PDE11A: variants seen among roughly 807,000 people sequenced by gnomAD.
The protein encoded by PDE11A is phosphodiesterase 11A.
Under a neutral mutation model 100.5 loss-of-function variants are expected in PDE11A, and 100 were observed. That is an observed-to-expected ratio of 1.00 (90% CI 0.85 to 1.18). The LOEUF is 1.18. Among genes scored for constraint, PDE11A ranks in the 50% most tolerant of loss-of-function variants. PDE11A has a pLI of 0.00. For missense variants in PDE11A, 1,141 were observed against 1,152.6 expected (o/e 0.99, Z 0.15); for synonymous variants, 381 against 420.8 (o/e 0.91, Z 1.16).
chr2:177,701,207 C>T lies in PDE11A; in HGVS notation c.2158G>A (p.Gly720Ser). Residue 720 changes from glycine (G) to serine (S), a missense_variant, in exon 14 of 20, where the codon GGC (glycine) becomes AGC (serine). By Grantham distance (56) the Gly-to-Ser change is moderately conservative (BLOSUM62 0). Coordinates refer to ENST00000286063, the MANE Select transcript of PDE11A (RefSeq NM_016953.4). ...GTNNAFQAKS[G>S]SALAQLYGTS... ...CCATAGAGTTGGGCCAGGGCAGAGC[C>T]ACTCCTGAAAGAGGACAGAGGGTGA... The T allele has an allele frequency of 6.4e-7, 1 of 1,552,278 alleles. No homozygotes were observed.
At chr2:178,030,365 C>T (rs1055347384) in intron 1 of PDE11A, among the ~76,000 whole-genome samples, 1 of 152,052 alleles carries the variant, frequency 6.6e-6, no homozygotes, top group Non-Finnish European at 1.5e-5. Flanking sequence ...GTCCTATAAG[C>T]TTTAAATAAA....
chr2:177,994,004 C>G (rs187188344), intron 2 of PDE11A, among the ~76,000 whole-genome samples: 6 of 150,050 alleles, frequency 4.0e-5, no homozygotes, highest in Admixed American at 6.7e-5. Flanking sequence ...GGAGCAATCT[C>G]GGCTCACTGC....
chr2:177,902,878 G>C (rs1311955299), intron 3 of PDE11A, among the ~76,000 whole-genome samples: 1 of 152,040 alleles, frequency 6.6e-6, no homozygotes, highest in African/African-American at 2.4e-5. Flanking sequence ...ATTATTTTTT[G>C]ACTTCAATAC....
At chr2:177,656,286 T>C (rs2080382188) in intron 19 of PDE11A, among the ~76,000 whole-genome samples, 1 of 152,228 alleles carries the variant, frequency 6.6e-6, no homozygotes, top group Non-Finnish European at 1.5e-5. Flanking sequence ...ATATTTACCA[T>C]TGTGATACAA....
intron 13 of PDE11A, among the ~76,000 whole-genome samples, chr2:177,709,915 T>C (rs1434895402): frequency 6.6e-6 from 1 of 151,968 alleles, no homozygotes; most frequent in Non-Finnish European, 1.5e-5. Context: ...CCGGAAGCCA[T>C]GTGGGAGGAC....
intron 6 of PDE11A, among the ~76,000 whole-genome samples, chr2:177,830,494 G>A (rs1302106896): frequency 1.3e-5 from 2 of 151,714 alleles, no homozygotes; most frequent in African/African-American, 2.4e-5. Context: ...CCAGTTACTC[G>A]GGAGGCTGAG....
At chr2:178,086,127 C>T (rs1363541071) in intron 2 of PDE11A, among the ~76,000 whole-genome samples, 1 of 152,212 alleles carries the variant, frequency 6.6e-6, no homozygotes, top group Non-Finnish European at 1.5e-5. Flanking sequence ...CCCCTTTCCC[C>T]TCTTCCAATA....
At chr2:177,649,736 C>T (rs1016398097) in intron 19 of PDE11A, among the ~76,000 whole-genome samples, 12 of 152,028 alleles carry the variant, frequency 7.9e-5, no homozygotes, top group African/African-American at 2.7e-4. Flanking sequence ...CAGTGGTTGC[C>T]CCAGTGAAAG....
intron 1 of PDE11A, among the ~76,000 whole-genome samples, chr2:178,050,456 C>A (rs1398329639): frequency 2.6e-5 from 4 of 152,152 alleles, no homozygotes; most frequent in African/African-American, 9.7e-5. Context: ...TCTCCTCTAA[C>A]GGAACGCAGC....
intron 15 of PDE11A, 121 bp downstream of exon 15, chr2:177,697,211 G>C (rs1559147875): frequency 4.3e-6 from 3 of 693,150 alleles, no homozygotes; most frequent in Non-Finnish European, 8.0e-6. Flanking sequence ...AACAAAAAAA[G>C]TTTAGCTGGT....
rs528885393 is a variant in PDE11A, at chr2:177,682,648, A to T, written c.2346-1745T>A. 8.5e-5 allele frequency among the ~76,000 whole-genome samples: 13 copies of T among 152,346 alleles called. No homozygotes were observed. The East Asian group carries it at 2.3e-3, about 27-fold the overall frequency. On this transcript the variant is annotated intron_variant, in intron 15 of 19. Coordinates refer to ENST00000286063, the MANE Select transcript of PDE11A (RefSeq NM_016953.4). ...CCTCTTGGCACTTGCTAATGAGAGA[A>T]TATTTAAGAGATCCTAACACACCAT...
Position 177,631,537 on chromosome 2 carries a change from A to T in PDE11A, c.2647-1975T>A, listed in dbSNP as rs377540705. 7.2e-5 allele frequency among the ~76,000 whole-genome samples: 2 copies of T among 27,660 alleles called. 1 individual carries two copies. The highest frequency in any genetic ancestry group is 1.3e-4 in the Non-Finnish European group (2 of 15,446). The allele number at this position is 27,660 out of a possible 152,430, so 18.1% of individuals were successfully genotyped here. A position where few individuals can be genotyped will look rare whatever the true frequency, so the allele number is the denominator to read the frequency against. ...AATATATATATATATATATATATAT[A>T]TATATATATACACATGTATATATAT... On this transcript the variant is annotated intron_variant, in intron 19 of 19. Coordinates refer to ENST00000286063, the MANE Select transcript of PDE11A (RefSeq NM_016953.4).
chr2:177,794,723 A>G (rs2082680679), intron 9 of PDE11A, among the ~76,000 whole-genome samples: 1 of 151,372 alleles, frequency 6.6e-6, no homozygotes, highest in African/African-American at 2.4e-5. Flanking sequence ...CCCCCAACAC[A>G]CCCGACAAAC....
chr2:177,838,233 T>G (rs2083435975), intron 6 of PDE11A, among the ~76,000 whole-genome samples: 1 of 152,130 alleles, frequency 6.6e-6, no homozygotes, highest in Non-Finnish European at 1.5e-5. Flanking sequence ...CCCTAGAAAA[T>G]ACAAGCTTTC....
intron 6 of PDE11A, 63 bp from the exon 7 acceptor site, chr2:177,820,358 T>G (rs912342844): frequency 7.3e-6 from 7 of 952,966 alleles, no homozygotes; most frequent in Non-Finnish European, 1.2e-5. Context: ...GATTTACATT[T>G]TTTCCATTTT....
In PDE11A at chr2:177,802,955, C is replaced by T. The variant is rs376212523; in HGVS notation, c.1737+13874G>A. 5.3e-5 allele frequency among the ~76,000 whole-genome samples: 8 copies of T among 151,544 alleles called. No individual in the cohort carries two copies. In the East Asian group the frequency reaches 1.5e-3, roughly 29 times the overall value. On this transcript the variant is annotated intron_variant, in intron 9 of 19. Transcript: ENST00000286063. ...TAACTAAAAATCTACAATACATGAA[C>T]AAAAACTAGGAAACTATAGGGAAAG... is the stretch of plus-strand genomic sequence containing the variant.
intron 2 of PDE11A, among the ~76,000 whole-genome samples, chr2:178,079,478 T>C (rs1269409566): frequency 2.0e-5 from 3 of 152,212 alleles, no homozygotes; most frequent in African/African-American, 7.2e-5. Context: ...TCTTGTTCCT[T>C]TTCATGGCTG....
At chr2:178,024,542 G>C (rs566847889) in intron 1 of PDE11A, among the ~76,000 whole-genome samples, 54 of 152,296 alleles carry the variant, frequency 3.5e-4, no homozygotes, top group African/African-American at 1.3e-3. Context: ...AAGGCTTCAT[G>C]AACTAGGCCT....
intron 6 of PDE11A, among the ~76,000 whole-genome samples, chr2:177,822,664 T>G (rs1420325032): frequency 6.6e-6 from 1 of 152,116 alleles, no homozygotes; most frequent in Non-Finnish European, 1.5e-5. Flanking sequence ...ATTTTTTGAA[T>G]CTATCTGTTT....
Sources: gnomAD v4.1 joint callset for allele counts (sites outside exome capture counted in the v4.1 genomes callset) on GRCh38, gnomAD v4.1.1 for gene constraint, MANE v1.5 for transcripts, NCBI Gene and HGNC (gene_info 2026-07-23, HGNC 2026-07-21) for gene names.